The following NEK10 variants were observed in gnomAD, a reference collection of about 807,000 sequenced individuals.
NEK10 encodes NIMA related kinase 10.
In NEK10, 122 loss-of-function variants were observed where a neutral mutation model predicts 159.8. The ratio of observed to expected loss-of-function variants is 0.76; its 90% CI spans 0.66 to 0.89. NEK10 has a LOEUF of 0.89. Among genes scored for constraint, NEK10 ranks in the 40% least tolerant of loss-of-function variants. NEK10 has a pLI of 0.00. For missense variants in NEK10, 1,342 were observed against 1,323.1 expected, an observed-to-expected ratio of 1.01 and a Z score of -0.22; for synonymous variants, 466 against 457.1, an observed-to-expected ratio of 1.02 and a Z score of -0.25.
chr3:27,271,295 C>A (rs550577524), intron 22 of NEK10, among the ~76,000 whole-genome samples: 2 of 152,102 alleles, frequency 1.3e-5, no homozygotes, highest in African/African-American at 4.8e-5. Context: ...CAACTATTCA[C>A]AAACTAGATG....
At chr3:27,217,716 C>G (rs1038148338) in intron 23 of NEK10, among the ~76,000 whole-genome samples, 1 of 152,032 alleles carries the variant, frequency 6.6e-6, no homozygotes, top group South Asian at 2.1e-4. Context: ...AGACCAATAT[C>G]CCTTATAAAT....
rs1307544372 is a variant in NEK10, at chr3:27,110,657, T to C, written c.*615A>G. On this transcript the variant is annotated 3_prime_UTR_variant, in exon 36 of 36. Coordinates refer to ENST00000691995, the MANE Select transcript of NEK10 (RefSeq NM_001394966.1). ...AGAGGCTGTGCAAGGTTACAAATAC[T>C]GTCTACACTGTATCACAGTTCAAGA... is the stretch of plus-strand genomic sequence containing the variant. 2 of 151,548 alleles carry C rather than the reference T, an allele frequency of 1.3e-5. No individual in the cohort carries two copies. The highest frequency in any genetic ancestry group is 2.4e-5 in the African/African-American group (1 of 40,842). 9.4% of individuals were successfully genotyped at this position (151,548 alleles called of 1,614,324 possible).
At chr3:27,319,019 A>G (rs1203034312) in intron 6 of NEK10, among the ~76,000 whole-genome samples, 1 of 152,224 alleles carries the variant, frequency 6.6e-6, no homozygotes, top group African/African-American at 2.4e-5. Context: ...AGAGGTTCTC[A>G]GGATCAGTAC....
chr3:27,324,574 C>T (rs1056700353), intron 5 of NEK10, among the ~76,000 whole-genome samples: 3 of 152,126 alleles, frequency 2.0e-5, no homozygotes, highest in African/African-American at 4.8e-5. Context: ...CCTCCACAAC[C>T]TATCCACTTC....
At chr3:27,291,929 A>G (rs2043027058) in intron 16 of NEK10, among the ~76,000 whole-genome samples, 1 of 152,188 alleles carries the variant, frequency 6.6e-6, no homozygotes. Flanking sequence ...GGTGTGAGCC[A>G]CCGCACCCGG....
At chr3:27,256,424 T>C (rs1956181988) in intron 22 of NEK10, 53 bp from the exon 23 acceptor site, 12 of 1,118,068 alleles carry the variant, frequency 1.1e-5, no homozygotes, top group East Asian at 2.6e-5. Flanking sequence ...AGAGTTATCA[T>C]TGTTCCTTAG....
At chr3:27,355,759 C>A (rs1477890552) in intron 1 of NEK10, among the ~76,000 whole-genome samples, 1 of 152,142 alleles carries the variant, frequency 6.6e-6, no homozygotes, top group African/African-American at 2.4e-5. Context: ...TACAACCTTC[C>A]TGTGGCCTTC....
At chr3:27,286,437 A>G (rs1180171162) in intron 20 of NEK10, among the ~76,000 whole-genome samples, 3 of 148,970 alleles carry the variant, frequency 2.0e-5, no homozygotes, top group African/African-American at 7.5e-5. Context: ...GCTGAAGTGC[A>G]GTGGCGCGAT....
At chr3:27,268,828 T>A (rs1329474670) in intron 22 of NEK10, among the ~76,000 whole-genome samples, 3 of 152,150 alleles carry the variant, frequency 2.0e-5, no homozygotes, top group African/African-American at 7.2e-5. Context: ...AGATAGTGAC[T>A]CCTCTAATGG....
At chr3:27,154,747 TC>T (rs561017073) in intron 30 of NEK10, among the ~76,000 whole-genome samples, 124 of 152,216 alleles carry the variant, frequency 8.1e-4, no homozygotes, top group African/African-American at 2.8e-3. Context: ...AAATCCAGCA[TC>T]CCTTTATGAT....
chr3:27,209,684 G>C (rs576962080), intron 23 of NEK10, among the ~76,000 whole-genome samples: 1 of 152,272 alleles, frequency 6.6e-6, no homozygotes, highest in South Asian at 2.1e-4. Flanking sequence ...TAGTCCCACA[G>C]CAAAGGTGGG....
At chr3:27,345,078 C>T (rs2047459574) in intron 4 of NEK10, among the ~76,000 whole-genome samples, 1 of 152,204 alleles carries the variant, frequency 6.6e-6, no homozygotes, top group African/African-American at 2.4e-5. Context: ...CTACCAAATA[C>T]ATGATACAAT....
At chr3:27,289,854 AGAACTATCGATTTTTAT>A (rs1437956902) in intron 19 of NEK10, among the ~76,000 whole-genome samples, 1 of 152,254 alleles carries the variant, frequency 6.6e-6, no homozygotes, top group African/African-American at 2.4e-5. Flanking sequence ...ACACTGGAGT[AGAACTATCGATTTTTAT>A]GAACAAAGGT....
chr3:27,330,426 G>A (rs1039597357), intron 5 of NEK10, among the ~76,000 whole-genome samples: 1 of 152,132 alleles, frequency 6.6e-6, no homozygotes, highest in Non-Finnish European at 1.5e-5. Context: ...TCTACTCTGG[G>A]TAAAAGCAGA....
rs377662395 is a variant in NEK10, at chr3:27,201,553, G to T, written c.2248C>A (p.Pro750Thr). ...ACTTTTTCAGAGTAGATACCTTCTGGGACTGGTTCATATACCGCCTCCACT... is the reference window on the plus strand; with the variant it reads ...ACTTTTTCAGAGTAGATACCTTCTGTGACTGGTTCATATACCGCCTCCACT... ...KIVEAVYEPV[P>T]EGIYSEKVTD... Residue 750 changes from proline (P) to threonine (T), a missense_variant, in exon 25 of 36, where the codon CCA becomes ACA. Coordinates refer to ENST00000691995, the MANE Select transcript of NEK10 (RefSeq NM_001394966.1). 5.0e-6 allele frequency: 8 copies of T among 1,613,742 alleles called. No individual in the cohort carries two copies. The highest frequency in any genetic ancestry group is 5.9e-6 in the Non-Finnish European group (7 of 1,179,894).
chr3:27,282,261 T>C (rs912662572), intron 22 of NEK10, among the ~76,000 whole-genome samples: 1 of 152,058 alleles, frequency 6.6e-6, no homozygotes, highest in Non-Finnish European at 1.5e-5. Context: ...GGATGGGGCA[T>C]AAAACTGTTT....
intron 26 of NEK10, among the ~76,000 whole-genome samples, chr3:27,182,927 G>A (rs1948262121): frequency 1.3e-5 from 2 of 152,016 alleles, no homozygotes; most frequent in Non-Finnish European, 2.9e-5. Flanking sequence ...AGGCTGGGAA[G>A]AGGAGAGGAG....
intron 23 of NEK10, among the ~76,000 whole-genome samples, chr3:27,242,329 C>T (rs748090323): frequency 6.6e-6 from 1 of 152,170 alleles, no homozygotes; most frequent in Middle Eastern, 3.2e-3. Flanking sequence ...ACTTATCAAT[C>T]GATTGATCAA....
intron 5 of NEK10, among the ~76,000 whole-genome samples, chr3:27,337,781 C>G (rs746770191): frequency 7.9e-5 from 12 of 152,244 alleles, no homozygotes; most frequent in South Asian, 2.1e-4. Context: ...CTATCTCTCT[C>G]TCACCATATA....
Sources: allele counts gnomAD v4.1 joint callset (sites outside exome capture counted in the v4.1 genomes callset), GRCh38; gene constraint gnomAD v4.1.1; transcripts MANE v1.5; gene names NCBI Gene and HGNC (gene_info 2026-07-23, HGNC 2026-07-21).